The following DCAF10 variants were observed in gnomAD, a reference collection of about 807,000 sequenced individuals.
DCAF10 encodes DDB1 and CUL4 associated factor 10.
In DCAF10, 19 loss-of-function variants were observed where a neutral mutation model predicts 51.9. The observed-to-expected ratio is 0.37, with a 90% confidence interval of 0.26 to 0.54. The LOEUF is 0.54. Among genes scored for constraint, DCAF10 ranks in the 20% least tolerant of loss-of-function variants. The pLI, the probability that DCAF10 is intolerant of heterozygous loss-of-function variation, is 0.87. For synonymous variants in DCAF10, 291 were observed against 297.1 expected (o/e 0.98, Z 0.21); for missense variants, 510 against 730.6 (o/e 0.70, Z 3.48).
At chr9:37,800,729 G>A (rs914212528), upstream of DCAF10, 8 of 1,534,962 alleles carry the variant, frequency 5.2e-6, no homozygotes, top group African/African-American at 8.2e-5. Flanking sequence ...GGTCCCCGGC[G>A]GACGGTGGCC....
intron 2 of DCAF10, among the ~76,000 whole-genome samples, chr9:37,834,237 C>T (rs1830086810): frequency 1.3e-5 from 2 of 152,084 alleles, no homozygotes; most frequent in Admixed American, 6.6e-5. Context: ...TGTGCCCAGC[C>T]ATCTTTTTTT....
At chr9:37,854,162 T>G (rs1283859869) in intron 3 of DCAF10, among the ~76,000 whole-genome samples, 1 of 151,966 alleles carries the variant, frequency 6.6e-6, no homozygotes, top group African/African-American at 2.4e-5. Context: ...TGCAGTCGTG[T>G]GATCATAGCT....
chr9:37,813,681 A>C (rs780383278), intron 1 of DCAF10, among the ~76,000 whole-genome samples: 6 of 152,246 alleles, frequency 3.9e-5, no homozygotes, highest in Non-Finnish European at 7.3e-5. Flanking sequence ...ACAACACAAA[A>C]AACAAATTCA....
intron 3 of DCAF10, among the ~76,000 whole-genome samples, chr9:37,846,983 G>A (rs1054269244): frequency 6.6e-6 from 1 of 152,072 alleles, no homozygotes; most frequent in East Asian, 1.9e-4. Context: ...GCTGGGTGTG[G>A]TGGCTCATGC....
At chr9:37,851,769 C>T (rs1405099634) in intron 3 of DCAF10, among the ~76,000 whole-genome samples, 1 of 149,200 alleles carries the variant, frequency 6.7e-6, no homozygotes, top group Non-Finnish European at 1.5e-5. Flanking sequence ...CATTGGGCGA[C>T]AGAGTAAGAC....
chr9:37,826,398 G>A (rs560680960), intron 2 of DCAF10, among the ~76,000 whole-genome samples: 1 of 152,200 alleles, frequency 6.6e-6, no homozygotes, highest in African/African-American at 2.4e-5. Flanking sequence ...GCCAAATGTT[G>A]GCATAGATGG....
intron 2 of DCAF10, among the ~76,000 whole-genome samples, chr9:37,822,404 GATATATATATATATATATATATATATAT>G (rs59549239): frequency 8.0e-6 from 1 of 124,574 alleles, no homozygotes; most frequent in South Asian, 3.3e-4. Flanking sequence ...AAGAAACTGT[GATATATATATATATATATATATATATAT>G]ATATATATAT....
intron 2 of DCAF10, among the ~76,000 whole-genome samples, chr9:37,824,683 A>C (rs1254619566): frequency 2.0e-5 from 3 of 152,128 alleles, no homozygotes; most frequent in African/African-American, 7.2e-5. Flanking sequence ...AAGAGTCAAC[A>C]ATTTGAATAA....
chr9:37,861,576 G>GT lies in DCAF10; in HGVS notation c.*69dup. ...TAGGAATTGCTTCAATTTAGATGAA[G>GT]TATTTTCTTTTTAGAAGATCTTATA... On this transcript the variant is annotated 3_prime_UTR_variant, in exon 7 of 7. Transcript: ENST00000377724. The surrounding 1 kb of genome is among the most constrained non-coding windows in gnomAD (Gnocchi z 4.9). 1 of 1,529,730 alleles carries GT rather than the reference G, an allele frequency of 6.5e-7. No individual in the cohort carries two copies. Among genetic ancestry groups the GT allele is most frequent in the East Asian group, 2.3e-5 (1 of 44,110 alleles). 94.8% of individuals were successfully genotyped at this position (1,529,730 alleles called of 1,614,324 possible).
intron 3 of DCAF10, among the ~76,000 whole-genome samples, chr9:37,849,535 C>T (rs1393361818): frequency 6.6e-6 from 1 of 152,072 alleles, no homozygotes; most frequent in Non-Finnish European, 1.5e-5. Flanking sequence ...ACTGTGTGAG[C>T]CCAGGAGTTT....
intron 3 of DCAF10, among the ~76,000 whole-genome samples, chr9:37,852,526 A>C (rs1489882071): frequency 6.6e-6 from 1 of 152,088 alleles, no homozygotes; most frequent in Non-Finnish European, 1.5e-5. Flanking sequence ...TGAGCCTGGG[A>C]ATTTGAGGTT....
Position 37,801,294 on chromosome 9 carries a change from A to G in DCAF10, c.428A>G (p.Asp143Gly). The G allele has an allele frequency of 1.3e-6, 2 of 1,597,342 alleles. No homozygotes were observed. The highest frequency in any genetic ancestry group is 8.5e-7 in the Non-Finnish European group (1 of 1,174,534). Reference sequence around the variant, plus strand: ...GGGCTGTTCGTGGACCCGGCGCGGGACAATTTTCGCACCATGACTAGCCTC... The same window carrying G: ...GGGCTGTTCGTGGACCCGGCGCGGGGCAATTTTCGCACCATGACTAGCCTC... The part of the protein sequence containing the change: ...GRGLFVDPAR[D>G]NFRTMTSLYG... Residue 143 changes from aspartate to glycine, a missense_variant, in exon 1 of 7, where the codon GAC becomes GGC. By Grantham distance (94) the Asp-to-Gly change is moderately conservative. Around this residue, in one of 4 missense-constraint regions of DCAF10, gnomAD observed 251 missense variants for 227.9 expected, o/e 1.10. Transcript: ENST00000377724. The surrounding 1 kb of genome is among the most constrained non-coding windows in gnomAD (Gnocchi z 5.5).
chr9:37,857,606 G>A (rs16934495), intron 5 of DCAF10, among the ~76,000 whole-genome samples: 4,465 of 152,176 alleles, frequency 0.029, 220 homozygotes, highest in African/African-American at 0.1. Context: ...AGTTTGGAGA[G>A]GAAGTAGTTC....
intron 5 of DCAF10, 59 bp downstream of exon 5, chr9:37,857,410 T>G (rs1830882659): frequency 8.7e-6 from 11 of 1,266,780 alleles, no homozygotes; most frequent in Non-Finnish European, 9.9e-6. Flanking sequence ...ATCTGATTAA[T>G]TATTGATTGA....
intron 3 of DCAF10, 21 bp downstream of exon 3, chr9:37,842,307 G>A (rs774881309): frequency 1.9e-5 from 31 of 1,600,668 alleles, no homozygotes; most frequent in Non-Finnish European, 2.5e-5. Context: ...AGGAGACCAT[G>A]TTAGGATTAT....
chr9:37,857,873 C>G (rs971536698), intron 5 of DCAF10, among the ~76,000 whole-genome samples: 2 of 152,196 alleles, frequency 1.3e-5, no homozygotes, highest in Non-Finnish European at 2.9e-5. Context: ...GAACTAGTTG[C>G]TCTGCCCTAT....
chr9:37,843,883 A>G (rs774922339), intron 3 of DCAF10, among the ~76,000 whole-genome samples: 13 of 152,194 alleles, frequency 8.5e-5, no homozygotes, highest in Non-Finnish European at 1.5e-4. Flanking sequence ...TAAAAATAAA[A>G]CAGAACTGTA....
At chr9:37,824,840 A>G (rs1330272034) in intron 2 of DCAF10, among the ~76,000 whole-genome samples, 1 of 152,160 alleles carries the variant, frequency 6.6e-6, no homozygotes, top group Non-Finnish European at 1.5e-5. Context: ...GATAAAATGA[A>G]ACAGTACACA....
chr9:37,832,860 GGTTTT>G (rs1168941860), intron 2 of DCAF10, among the ~76,000 whole-genome samples: 1 of 151,890 alleles, frequency 6.6e-6, no homozygotes, highest in Non-Finnish European at 1.5e-5. Context: ...CTCTGTTTTA[GGTTTT>G]GTTTTGTTTT....
Sources: allele counts gnomAD v4.1 joint callset (sites outside exome capture counted in the v4.1 genomes callset), GRCh38; gene constraint gnomAD v4.1.1; regional missense constraint gnomAD v4.1.1; non-coding constraint Gnocchi (gnomAD v3.1); transcripts MANE v1.5; gene names NCBI Gene and HGNC (gene_info 2026-07-23, HGNC 2026-07-21).